ABCC3: variants seen among roughly 807,000 people sequenced by gnomAD.
The protein encoded by ABCC3 is ATP binding cassette subfamily C member 3.
A neutral mutation model predicts 165.3 loss-of-function variants in ABCC3; 121 were observed. The ratio of observed to expected loss-of-function variants is 0.73; its 90% CI spans 0.63 to 0.85. The LOEUF is 0.85. ABCC3 is among the 40% of genes least tolerant of loss of function. The pLI, the probability that ABCC3 is intolerant of heterozygous loss-of-function variation, is 0.00. For missense variants in ABCC3, 1,869 were observed against 1,964.1 expected, an observed-to-expected ratio of 0.95 and a Z score of 0.92; for synonymous variants, 733 against 810.1, an observed-to-expected ratio of 0.90 and a Z score of 1.62.
At chr17:50,643,636 G>C in intron 1 of ABCC3, 1 of 456,320 alleles carries the variant, frequency 2.2e-6, no homozygotes, top group African/African-American at 2.0e-5. Context: ...ATCTCTCTAG[G>C]AGGAAGGGTG....
intron 1 of ABCC3, among the ~76,000 whole-genome samples, chr17:50,649,623 G>T (rs966891165): frequency 2.0e-5 from 3 of 149,582 alleles, no homozygotes; most frequent in Non-Finnish European, 4.5e-5. Flanking sequence ...GAGAGATGAG[G>T]GGTGGGGAGG....
At position 50,664,054 on chromosome 17, in the gene ABCC3, C is replaced by A. The variant is rs753182773; in HGVS notation, c.1281C>A (p.Leu427=). 20 of 1,614,108 alleles carry A rather than the reference C, an allele frequency of 1.2e-5. No individual in the cohort carries two copies. In the Admixed American group the frequency reaches 3.2e-4, roughly 26 times the overall value. The change falls in exon 10 of 31, where the codon CTC becomes CTA. Residue 427 remains leucine, a synonymous_variant. Coordinates refer to ENST00000285238, the MANE Select transcript of ABCC3 (RefSeq NM_003786.4). ...GCTTCATGGACCTTGCCCCCTTCCT[C>A]AATCTGCTGTGGTCAGCACCCCTGC... ...AQRFMDLAPF[L]NLLWSAPLQI... is the part of the protein sequence containing the mutation.
chr17:50,664,430 C>T (rs1304305264), intron 10 of ABCC3: 1 of 331,444 alleles, frequency 3.0e-6, no homozygotes, highest in African/African-American at 2.1e-5. Context: ...GCTGGCTGGG[C>T]ACGGTGGCTC....
chr17:50,659,205 G>C (rs373682297), intron 6 of ABCC3, 32 bp from the exon 7 acceptor site: 1 of 1,610,778 alleles, frequency 6.2e-7, no homozygotes, highest in Non-Finnish European at 8.5e-7. Flanking sequence ...GACCCTCTGC[G>C]GGGCTGCCTG....
chr17:50,661,424 G>A (rs1200308552), intron 8 of ABCC3, among the ~76,000 whole-genome samples: 2 of 152,240 alleles, frequency 1.3e-5, no homozygotes, highest in Non-Finnish European at 2.9e-5. Context: ...AGATGAGAAA[G>A]CAGGAACTCA....
Position 50,689,277 on chromosome 17 carries a change from C to T in ABCC3, c.4475+1547C>T, listed in dbSNP as rs572824435. Among the ~76,000 whole-genome samples the T allele has an allele frequency of 7.2e-5, 11 of 152,342 alleles. No individual in the cohort carries two copies. The South Asian group carries it at 1.9e-3, about 26-fold the overall frequency. ...CCCCAGCCCCTTGCTCTAATTCTTG[C>T]GCTAGGCCCTCCAAGGATGAGGGGA... On this transcript the variant is annotated intron_variant, in intron 30 of 30. Coordinates refer to ENST00000285238, the MANE Select transcript of ABCC3 (RefSeq NM_003786.4).
intron 1 of ABCC3, chr17:50,635,190 C>CCTGCT: frequency 1.6e-6 from 1 of 613,466 alleles, no homozygotes. Context: ...GGGGACCTGC[C>CCTGCT]CTGCTCTGCC....
intron 1 of ABCC3, chr17:50,643,698 G>A: frequency 4.4e-6 from 2 of 453,546 alleles, no homozygotes; most frequent in South Asian, 3.1e-5. Flanking sequence ...CCTCCCTGGA[G>A]TGGTTAGGTT....
chr17:50,661,764 G>A (rs1967394464), intron 8 of ABCC3, among the ~76,000 whole-genome samples: 1 of 152,162 alleles, frequency 6.6e-6, no homozygotes, highest in Non-Finnish European at 1.5e-5. Flanking sequence ...AGAAACCAGC[G>A]TGTAAATCAA....
intron 17 of ABCC3, 63 bp downstream of exon 17, chr17:50,669,591 C>G (rs1006508551): frequency 1.3e-6 from 2 of 1,553,790 alleles, no homozygotes; most frequent in Non-Finnish European, 1.8e-6. Context: ...CAACCCAGCC[C>G]AGGTCCATAT....
chr17:50,681,335 T>C (rs1967925826), intron 26 of ABCC3, among the ~76,000 whole-genome samples: 1 of 152,200 alleles, frequency 6.6e-6, no homozygotes, highest in South Asian at 2.1e-4. Context: ...TAAACCCGCC[T>C]GTGTCTCCTT....
chr17:50,660,807 G>A (rs552771639), intron 7 of ABCC3, 116 bp from the exon 8 acceptor site: 11 of 850,148 alleles, frequency 1.3e-5, no homozygotes, highest in Non-Finnish European at 1.5e-5. Context: ...CCAGCTCTGA[G>A]AGCCAAGAAA....
At chr17:50,635,179 CG>C in intron 1 of ABCC3, 198 bp downstream of exon 1, 1 of 570,058 alleles carries the variant, frequency 1.8e-6, no homozygotes. Context: ...CACGCGGTGT[CG>C]GGGACCTGCC....
intron 7 of ABCC3, 124 bp from the exon 8 acceptor site, chr17:50,660,799 A>G (rs1364135045): frequency 8.8e-6 from 6 of 680,860 alleles, no homozygotes; most frequent in Non-Finnish European, 1.4e-5. Context: ...TTCCCCTCCC[A>G]GCTCTGAGAG....
chr17:50,659,247 T>C lies in ABCC3; in HGVS notation c.685T>C (p.Tyr229His). The change falls in exon 7 of 31, where the codon TAT becomes CAT. Residue 229 changes from tyrosine to histidine, a missense_variant. Coordinates refer to ENST00000285238, the MANE Select transcript of ABCC3 (RefSeq NM_003786.4). ...TTCACCTCCCCCCAGGATGGCCATC[T>C]ATGGCTACCGGCATCCCCTGGAGGA... The part of the protein sequence containing the change: ...FFWWFTKMAI[Y>H]GYRHPLEEKD... 1 of 1,613,660 alleles carries C rather than the reference T, an allele frequency of 6.2e-7. No individual in the cohort carries two copies. The highest frequency in any genetic ancestry group is 8.5e-7 in the Non-Finnish European group (1 of 1,179,758).
At chr17:50,654,333 T>C (rs1169173457) in intron 1 of ABCC3, among the ~76,000 whole-genome samples, 1 of 152,214 alleles carries the variant, frequency 6.6e-6, no homozygotes, top group Non-Finnish European at 1.5e-5. Context: ...ATTAGTACAT[T>C]AGTGGCCTTG....
chr17:50,686,669 G>A (rs370661770), intron 29 of ABCC3, among the ~76,000 whole-genome samples: 1 of 152,068 alleles, frequency 6.6e-6, no homozygotes, highest in Non-Finnish European at 1.5e-5. Flanking sequence ...ATCAGAGACA[G>A]AAATCAGCTC....
chr17:50,689,542 G>T (rs1215684672), intron 30 of ABCC3, among the ~76,000 whole-genome samples: 1 of 152,230 alleles, frequency 6.6e-6, no homozygotes, highest in Non-Finnish European at 1.5e-5. Context: ...ACCCCAACAG[G>T]CCTTCACTCA....
intron 1 of ABCC3, chr17:50,635,287 T>G (rs1396561692): frequency 1.6e-6 from 1 of 621,422 alleles, no homozygotes; most frequent in African/African-American, 1.8e-5. Context: ...GCTGGGTGAG[T>G]CGGCTCCATC....
Sources: gnomAD v4.1 joint callset for allele counts (sites outside exome capture counted in the v4.1 genomes callset) on GRCh38, gnomAD v4.1.1 for gene constraint, MANE v1.5 for transcripts, NCBI Gene and HGNC (gene_info 2026-07-23, HGNC 2026-07-21) for gene names.